Variants in HAPLN4 observed in about 807,000 individuals in gnomAD.
HAPLN4 encodes brain link protein 2.
Under a neutral mutation model 28.0 loss-of-function variants are expected in HAPLN4, and 19 were observed. That is an observed-to-expected ratio of 0.68 (90% CI 0.47 to 1.00). The LOEUF (loss-of-function observed/expected upper bound fraction) is 1.00, where lower values mean the gene tolerates loss of function less well. Ranked by LOEUF, HAPLN4 falls within the 50% of genes least tolerant of loss-of-function variation. The probability of loss-of-function intolerance (pLI) is 0.00; values close to 1 mark genes in which losing one functional copy is unlikely to be tolerated. For synonymous variants in HAPLN4, 274 were observed against 273.0 expected (o/e 1.00, Z -0.03); for missense variants, 587 against 602.6 (o/e 0.97, Z 0.27).
At chr19:19,260,597 G>C (rs1323847649) in intron 3 of HAPLN4, among the ~76,000 whole-genome samples, 1 of 152,204 alleles carries the variant, frequency 6.6e-6, no homozygotes, top group East Asian at 1.9e-4. Flanking sequence ...CTAGGGGCTA[G>C]TAGCAACTGC....
At chr19:19,262,097 G>T (rs115705555) in intron 1 of HAPLN4, among the ~76,000 whole-genome samples, 46 of 152,188 alleles carry the variant, frequency 3.0e-4, no homozygotes, top group African/African-American at 1.1e-3. Context: ...GATGGAGAGG[G>T]AGAGACAGAT....
intron 1 of HAPLN4, 198 bp from the exon 2 acceptor site, chr19:19,261,761 A>G: frequency 2.0e-6 from 1 of 507,824 alleles, no homozygotes. Flanking sequence ...CCACGCCCCT[A>G]GACTCCCCCC....
At position 19,257,871 on chromosome 19, in the gene HAPLN4, G is replaced by T; in HGVS notation, c.1155C>A (p.Gly385=). 2 of 1,438,454 alleles carry T rather than the reference G, an allele frequency of 1.4e-6. No individual in the cohort carries two copies. The highest frequency in any genetic ancestry group is 1.5e-5 in the African/African-American group (1 of 67,260). The allele number at this position is 1,438,454 out of a possible 1,614,324, so 89.1% of individuals were successfully genotyped here. A position where few individuals can be genotyped will look rare whatever the true frequency, so the allele number is the denominator to read the frequency against. Residue 385 remains glycine (G), a synonymous_variant, in exon 5 of 5, where the codon GGC becomes GGA. Coordinates refer to ENST00000291481, the MANE Select transcript of HAPLN4 (RefSeq NM_023002.3). ...GGWGWGWAGG[G]GWAGGARDPA... ...GATCGCGCGCGCCCCCTGCCCAGCC[G>T]CCGCCGCCCGCCCAGCCCCAGCCCC...
intron 1 of HAPLN4, among the ~76,000 whole-genome samples, chr19:19,261,988 G>A (rs935173500): frequency 2.0e-5 from 3 of 152,192 alleles, no homozygotes; most frequent in African/African-American, 7.2e-5. Context: ...GAAAGAGGGA[G>A]AGACGCGGGG....
At position 19,256,015 on chromosome 19, in the gene HAPLN4, C is replaced by T. The variant is rs756721106; in HGVS notation, c.*1802G>A. 3.9e-5 allele frequency: 6 copies of T among 152,340 alleles called. No homozygotes were observed. The East Asian group carries it at 5.8e-4, about 15-fold the overall frequency. The allele number at this position is 152,340 out of a possible 1,614,324, so 9.4% of individuals were successfully genotyped here. On this transcript the variant is annotated 3_prime_UTR_variant, in exon 5 of 5. Coordinates refer to ENST00000291481, the MANE Select transcript of HAPLN4 (RefSeq NM_023002.3). The stretch of plus-strand genomic sequence containing the variant: ...GTCCTGACCTCTTAGCACAGATCGC[C>T]GCTTAGAGCCTGGTGGGTGTTGAAT...
At position 19,256,879 on chromosome 19, in the gene HAPLN4, G is replaced by T. The variant is rs941186515; in HGVS notation, c.*938C>A. The T allele has an allele frequency of 6.5e-6, 1 of 152,826 alleles. No individual in the cohort carries two copies. Among genetic ancestry groups the T allele is most frequent in the African/African-American group, 2.4e-5 (1 of 41,412 alleles). The allele number at this position is 152,826 out of a possible 1,614,324, so 9.5% of individuals were successfully genotyped here. A position where few individuals can be genotyped will look rare whatever the true frequency, so the allele number is the denominator to read the frequency against. ...ATGGGTGTGCCTGATGAGGGAAGGG[G>T]TGTGTGACTCTAGGTGACAGGTAGC... On this transcript the variant is annotated 3_prime_UTR_variant, in exon 5 of 5. Transcript: ENST00000291481.
rs768177678 is a variant in HAPLN4 at position 19,258,591 on chromosome 19, C to A, written c.749G>T (p.Arg250Leu). The change falls in exon 4 of 5, where the codon CGC (arginine) becomes CTC (leucine). Residue 250 changes from arginine to leucine, a missense_variant. Transcript: ENST00000291481. This position sits in a 1 kb window ranked among gnomAD's most constrained non-coding sequence, Gnocchi z 6.2. ...GGGGDANGGL[R>L]NYGYRHNAEE... The stretch of plus-strand genomic sequence containing the variant: ...GGCGTTATGGCGATACCCGTAGTTG[C>A]GCAGGCCCCCGTTGGCATCACCGCC... 1.2e-6 allele frequency: 2 copies of A among 1,613,522 alleles called. No individual in the cohort carries two copies. Among genetic ancestry groups the A allele is most frequent in the Non-Finnish European group, 1.7e-6 (2 of 1,179,862 alleles).
Position 19,257,514 on chromosome 19 carries a change from G to C in HAPLN4, c.*303C>G, listed in dbSNP as rs1484609893. On this transcript the variant is annotated 3_prime_UTR_variant, in exon 5 of 5. Coordinates refer to ENST00000291481, the MANE Select transcript of HAPLN4 (RefSeq NM_023002.3). Reference sequence around the variant, plus strand: ...CTCAGGAGGCGTGGCCAGTCTTCAGGAGCCTGCGGGTTCTGCTGGCCTCCT... The same window carrying C: ...CTCAGGAGGCGTGGCCAGTCTTCAGCAGCCTGCGGGTTCTGCTGGCCTCCT... 5 of 321,632 alleles carry C rather than the reference G, an allele frequency of 1.6e-5. No individual in the cohort carries two copies. The highest frequency in any genetic ancestry group is 2.8e-5 in the Non-Finnish European group (5 of 177,752). The allele number at this position is 321,632 out of a possible 1,614,324, so 19.9% of individuals were successfully genotyped here. A position where few individuals can be genotyped will look rare whatever the true frequency, so the allele number is the denominator to read the frequency against.
chr19:19,260,614 C>T (rs767553109), intron 3 of HAPLN4, among the ~76,000 whole-genome samples, 199 bp downstream of exon 3: 1 of 152,208 alleles, frequency 6.6e-6, no homozygotes, highest in African/African-American at 2.4e-5. Context: ...CTGCCTTCTC[C>T]AGATGTGACA....
chr19:19,258,833 G>C lies in HAPLN4; in HGVS notation c.507C>G (p.Pro169=), dbSNP rs537854837. ...DLEGVVFPYH[P]RGGRYKLTFA... is the part of the protein sequence containing the mutation. The stretch of plus-strand genomic sequence containing the variant: ...AGGTCAGCTTGTATCGGCCTCCACG[G>C]GGGTGGTAGGGAAAGACCACGCCTG... The change falls in exon 4 of 5, where the codon CCC becomes CCG. Residue 169 remains proline, a synonymous_variant. Transcript: ENST00000291481. This position sits in a 1 kb window ranked among gnomAD's most constrained non-coding sequence, Gnocchi z 6.2. 7 of 1,570,402 alleles carry C rather than the reference G, an allele frequency of 4.5e-6. No individual in the cohort carries two copies. Among genetic ancestry groups the C allele is most frequent in the Non-Finnish European group, 6.0e-6 (7 of 1,157,162 alleles).
chr19:19,258,416 G>A lies in HAPLN4; in HGVS notation c.817+107C>T. The A allele has an allele frequency of 8.0e-7, 1 of 1,257,576 alleles. No homozygotes were observed. Among genetic ancestry groups the A allele is most frequent in the Non-Finnish European group, 1.1e-6 (1 of 899,918 alleles). 77.9% of individuals were successfully genotyped at this position (1,257,576 alleles called of 1,614,324 possible). On this transcript the variant is annotated intron_variant, in intron 4 of 4. Transcript: ENST00000291481. The surrounding 1 kb of genome is among the most constrained non-coding windows in gnomAD (Gnocchi z 6.2). ...TGTGTGCTGCGCCTAGGCACTCTTG[G>A]GAGAGGGGTCTCCTGTTTCTGATCG... is the stretch of plus-strand genomic sequence containing the variant.
At chr19:19,259,412 T>C (rs1476237112) in intron 3 of HAPLN4, among the ~76,000 whole-genome samples, 4 of 152,242 alleles carry the variant, frequency 2.6e-5, no homozygotes, top group Admixed American at 2.0e-4. Context: ...TGTCCCTCAT[T>C]GGACTCACAG....
At position 19,255,520 on chromosome 19, in the gene HAPLN4, G is replaced by A. The variant is rs1252315772; in HGVS notation, c.*2297C>T. 6.6e-6 allele frequency: 1 copy of A among 152,162 alleles called. No homozygotes were observed. Among genetic ancestry groups the A allele is most frequent in the East Asian group, 1.9e-4 (1 of 5,204 alleles). The allele number at this position is 152,162 out of a possible 1,614,324, so 9.4% of individuals were successfully genotyped here. On this transcript the variant is annotated 3_prime_UTR_variant, in exon 5 of 5. Transcript: ENST00000291481. Reference sequence around the variant, plus strand: ...AGATTGCACGACTGCACTCCAGCCTGGGCGACAGGGCAGGACTCCATCTCA... The same window carrying A: ...AGATTGCACGACTGCACTCCAGCCTAGGCGACAGGGCAGGACTCCATCTCA...
intron 3 of HAPLN4, 152 bp from the exon 4 acceptor site, chr19:19,259,007 A>G: frequency 1.6e-6 from 1 of 611,626 alleles, no homozygotes; most frequent in Non-Finnish European, 2.8e-6. Flanking sequence ...CCCAGCTCAC[A>G]CCCCATATAG....
At position 19,261,478 on chromosome 19, in the gene HAPLN4, T is replaced by A; in HGVS notation, c.89A>T (p.Gln30Leu). 6.2e-7 allele frequency: 1 copy of A among 1,612,178 alleles called. No homozygotes were observed. The highest frequency in any genetic ancestry group is 8.5e-7 in the Non-Finnish European group (1 of 1,179,678). ...VLLLTAPAGA[Q>L]RGRKKVVHVL... ...GTGCACGACCTTCTTCCGGCCACGC[T>A]GCGCCCCCGCAGGGGCTGTGAGCAG... The change falls in exon 2 of 5, where the codon CAG (glutamine) becomes CTG (leucine). Residue 30 changes from glutamine to leucine, a missense_variant. Physicochemically the swap from Gln to Leu is moderately radical, Grantham distance 113 (BLOSUM62 -2). Coordinates refer to ENST00000291481, the MANE Select transcript of HAPLN4 (RefSeq NM_023002.3).
intron 2 of HAPLN4, 82 bp from the exon 3 acceptor site, chr19:19,261,257 A>C: frequency 7.0e-7 from 1 of 1,421,490 alleles, no homozygotes; most frequent in Non-Finnish European, 9.6e-7. Flanking sequence ...GGGGAGGGGA[A>C]CGTGGGAAGA....
In HAPLN4 at chr19:19,258,587, G is replaced by T; in HGVS notation, c.753C>A (p.Asn251Lys). 1 of 1,613,692 alleles carries T rather than the reference G, an allele frequency of 6.2e-7. No individual in the cohort carries two copies. Among genetic ancestry groups the T allele is most frequent in the Non-Finnish European group, 8.5e-7 (1 of 1,179,852 alleles). ...GGGDANGGLR[N>K]YGYRHNAEER... Reference sequence around the variant, plus strand: ...CCTCGGCGTTATGGCGATACCCGTAGTTGCGCAGGCCCCCGTTGGCATCAC... The same window carrying T: ...CCTCGGCGTTATGGCGATACCCGTATTTGCGCAGGCCCCCGTTGGCATCAC... Residue 251 changes from asparagine to lysine, a missense_variant, in exon 4 of 5, where the codon AAC becomes AAA. By Grantham distance (94) the Asn-to-Lys change is moderately conservative. Coordinates refer to ENST00000291481, the MANE Select transcript of HAPLN4 (RefSeq NM_023002.3). This position sits in a 1 kb window ranked among gnomAD's most constrained non-coding sequence, Gnocchi z 6.2.
At position 19,257,622 on chromosome 19, in the gene HAPLN4, A is replaced by T; in HGVS notation, c.*195T>A. On this transcript the variant is annotated 3_prime_UTR_variant, in exon 5 of 5. Coordinates refer to ENST00000291481, the MANE Select transcript of HAPLN4 (RefSeq NM_023002.3). Reference sequence around the variant, plus strand: ...TATCCAGAAGAGGTGAGGGCTGGCCAGGCTCCAGGGAACTCCAAAGTACTG... The same window carrying T: ...TATCCAGAAGAGGTGAGGGCTGGCCTGGCTCCAGGGAACTCCAAAGTACTG... 1.9e-6 allele frequency: 1 copy of T among 536,748 alleles called. No homozygotes were observed. The highest frequency in any genetic ancestry group is 2.9e-6 in the Non-Finnish European group (1 of 350,358). The allele number at this position is 536,748 out of a possible 1,614,324, so 33.2% of individuals were successfully genotyped here.
rs1458890885 is a variant in HAPLN4, at chr19:19,258,273, C to T, written c.818-65G>A. On this transcript the variant is annotated intron_variant, in intron 4 of 4. Coordinates refer to ENST00000291481, the MANE Select transcript of HAPLN4 (RefSeq NM_023002.3). This position sits in a 1 kb window ranked among gnomAD's most constrained non-coding sequence, Gnocchi z 6.2. ...CCTGGGACCCTGCTTCGGTGGGATT[C>T]AGGACTGCCCCCCGCATGCAGCCTA... 7.9e-6 allele frequency: 11 copies of T among 1,399,012 alleles called. No homozygotes were observed. The highest frequency in any genetic ancestry group is 1.0e-5 in the Non-Finnish European group (11 of 1,060,256). The allele number at this position is 1,399,012 out of a possible 1,614,324, so 86.7% of individuals were successfully genotyped here.
Sources: gnomAD v4.1 joint callset for allele counts (sites outside exome capture counted in the v4.1 genomes callset) on GRCh38, gnomAD v4.1.1 for gene constraint, Gnocchi (gnomAD v3.1) non-coding constraint, MANE v1.5 for transcripts, NCBI Gene and HGNC (gene_info 2026-07-23, HGNC 2026-07-21) for gene names.